Variants in PIGN observed in about 807,000 individuals in gnomAD.
PIGN encodes phosphatidylinositol glycan anchor biosynthesis class N, also known as GPI ethanolamine phosphate transferase 1.
In PIGN, 117 loss-of-function variants were observed where a neutral mutation model predicts 125.4. That is an observed-to-expected ratio of 0.93 (90% confidence interval 0.80 to 1.09). PIGN has a LOEUF of 1.09. PIGN is among the 50% of genes least tolerant of loss of function. PIGN has a pLI of 0.00. For synonymous variants in PIGN, 392 were observed against 377.8 expected (o/e 1.04, Z -0.44); for missense variants, 1,075 against 1,094.9 (o/e 0.98, Z 0.26).
At chr18:62,077,705 A>G (rs2033246517) in intron 28 of PIGN, among the ~76,000 whole-genome samples, 1 of 152,166 alleles carries the variant, frequency 6.6e-6, no homozygotes, top group African/African-American at 2.4e-5. Flanking sequence ...TTTCATTCTC[A>G]CTCCTTAAAC....
intron 30 of PIGN, among the ~76,000 whole-genome samples, chr18:62,067,172 G>T (rs1214116129): frequency 6.6e-6 from 1 of 152,012 alleles, no homozygotes; most frequent in South Asian, 2.1e-4. Flanking sequence ...ATCTTCTGGT[G>T]GTTACCCCCC....
At chr18:62,039,090 GA>G (rs1388079674), downstream of PIGN, among the ~76,000 whole-genome samples, 1 of 151,736 alleles carries the variant, frequency 6.6e-6, no homozygotes, top group African/African-American at 2.4e-5. Context: ...AACGAAAACA[GA>G]AAAAAACCAG....
chr18:62,051,704 A>G (rs1042380194), intron 30 of PIGN: 1 of 151,648 alleles, frequency 6.6e-6, no homozygotes, highest in African/African-American at 2.4e-5. Flanking sequence ...TATTTCCTTC[A>G]GTTGTGCTCT....
intron 1 of PIGN, among the ~76,000 whole-genome samples, chr18:62,169,624 T>C (rs2037280165): frequency 6.7e-6 from 1 of 149,734 alleles, no homozygotes; most frequent in Non-Finnish European, 1.5e-5. Flanking sequence ...TATGTTTAAC[T>C]TTTTTTTTTC....
intron 16 of PIGN, among the ~76,000 whole-genome samples, chr18:62,112,042 T>C (rs2034899894): frequency 6.6e-6 from 1 of 152,186 alleles, no homozygotes; most frequent in African/African-American, 2.4e-5. Flanking sequence ...TCACATGCTA[T>C]CTGAGTGGCC....
chr18:62,086,543 G>T (rs566805374), intron 25 of PIGN, among the ~76,000 whole-genome samples: 13 of 152,164 alleles, frequency 8.5e-5, no homozygotes, highest in African/African-American at 2.4e-4. Context: ...CTTGAACCCG[G>T]CAAGTGGAGG....
intron 14 of PIGN, among the ~76,000 whole-genome samples, chr18:62,116,317 T>A (rs1325311695): frequency 6.6e-6 from 1 of 152,230 alleles, no homozygotes; most frequent in African/African-American, 2.4e-5. Flanking sequence ...TTCCTCTTGC[T>A]CTGATCCACT....
At chr18:62,178,040 G>C (rs1173269636) in intron 1 of PIGN, among the ~76,000 whole-genome samples, 1 of 151,970 alleles carries the variant, frequency 6.6e-6, no homozygotes, top group Admixed American at 6.6e-5. Context: ...GATAAAGATG[G>C]GACAAAATTC....
At chr18:62,030,559 C>T (rs2030182155) in intron 23 of PIGN, among the ~76,000 whole-genome samples, 1 of 152,186 alleles carries the variant, frequency 6.6e-6, no homozygotes, top group Non-Finnish European at 1.5e-5. Flanking sequence ...AGGAATGTTC[C>T]AGAAAAGCCA....
intron 30 of PIGN, among the ~76,000 whole-genome samples, chr18:62,048,601 G>C (rs191654971): frequency 7.7e-6 from 1 of 129,086 alleles, no homozygotes; most frequent in Non-Finnish European, 1.6e-5. Context: ...CGGAAATAAG[G>C]GGAAATCAGA....
chr18:62,125,282 A>C (rs1243285952), intron 14 of PIGN, among the ~76,000 whole-genome samples: 1 of 150,084 alleles, frequency 6.7e-6, no homozygotes, highest in Non-Finnish European at 1.5e-5. Flanking sequence ...ACACACACAC[A>C]CGAATTTTTA....
At chr18:62,102,438 T>G (rs1021167587) in intron 21 of PIGN, among the ~76,000 whole-genome samples, 41 of 151,212 alleles carry the variant, frequency 2.7e-4, no homozygotes, top group African/African-American at 1.0e-3. Flanking sequence ...ATTCTTAATA[T>G]AAACATACCC....
At chr18:62,032,504 A>G (rs2030205796) in intron 23 of PIGN, among the ~76,000 whole-genome samples, 1 of 152,236 alleles carries the variant, frequency 6.6e-6, no homozygotes, top group Non-Finnish European at 1.5e-5. Context: ...TTTCCTAAGT[A>G]TACTGTTCAT....
intron 27 of PIGN, among the ~76,000 whole-genome samples, 170 bp from the exon 28 acceptor site, chr18:62,082,916 A>G (rs2033518206): frequency 6.6e-6 from 1 of 152,150 alleles, no homozygotes; most frequent in Non-Finnish European, 1.5e-5. Flanking sequence ...GGCACATAGA[A>G]CGGTGATGAA....
intron 27 of PIGN, among the ~76,000 whole-genome samples, chr18:62,084,033 TGAA>T (rs1166425349): frequency 2.1e-4 from 32 of 152,212 alleles, no homozygotes; most frequent in Admixed American, 2.1e-3. Flanking sequence ...TACATTCTAA[TGAA>T]GAATCTGAAC....
Position 62,079,268 on chromosome 18 carries a change from C to T in PIGN, c.2576+3405G>A, listed in dbSNP as rs979899276. On this transcript the variant is annotated intron_variant, in intron 28 of 30. Transcript: ENST00000640252. ...CTTCATTTTTTCCCCTGACATTTAACACTACTTGAAATTTTGTTATTACAA... is the reference window on the plus strand; with the variant it reads ...CTTCATTTTTTCCCCTGACATTTAATACTACTTGAAATTTTGTTATTACAA... Among the ~76,000 whole-genome samples the T allele has an allele frequency of 5.3e-5, 8 of 152,230 alleles. 1 individual carries two copies. In the South Asian group the frequency reaches 1.0e-3, roughly 20 times the overall value.
chr18:62,179,795 G>A (rs1362985544), intron 1 of PIGN, among the ~76,000 whole-genome samples: 1 of 152,012 alleles, frequency 6.6e-6, no homozygotes, highest in African/African-American at 2.4e-5. Context: ...CATTCTACAA[G>A]ATTACATTAA....
intron 17 of PIGN, among the ~76,000 whole-genome samples, chr18:62,107,994 A>C (rs747254925): frequency 6.6e-6 from 1 of 152,184 alleles, no homozygotes; most frequent in Admixed American, 6.5e-5. Flanking sequence ...CTAGGAAAAA[A>C]AGTTAACATT....
At chr18:62,138,411 A>G in intron 13 of PIGN, 113 bp from the exon 14 acceptor site, 2 of 1,340,014 alleles carry the variant, frequency 1.5e-6, no homozygotes, top group Non-Finnish European at 2.0e-6. Flanking sequence ...TTGAAAATAA[A>G]TGGAATTTTA....
Sources: allele counts gnomAD v4.1 joint callset (sites outside exome capture counted in the v4.1 genomes callset), GRCh38; gene constraint gnomAD v4.1.1; transcripts MANE v1.5; gene names NCBI Gene and HGNC (gene_info 2026-07-23, HGNC 2026-07-21).